Variants in GRK1 observed in about 807,000 individuals in gnomAD.
GRK1 encodes G protein-coupled receptor kinase 1.
A neutral mutation model predicts 41.7 loss-of-function variants in GRK1; 28 were observed. That is an observed-to-expected ratio of 0.67 (90% CI 0.50 to 0.92). GRK1 has a LOEUF of 0.92. Ranked by LOEUF, GRK1 falls within the 40% of genes least tolerant of loss-of-function variation. GRK1 has a pLI of 0.00. For synonymous variants in GRK1, 327 were observed against 286.7 expected, an observed-to-expected ratio of 1.14 and a Z score of -1.42; for missense variants, 703 against 671.2, an observed-to-expected ratio of 1.05 and a Z score of -0.52.
chr13:113,669,019 G>C (rs1012686128), intron 1 of GRK1, among the ~76,000 whole-genome samples: 2 of 152,226 alleles, frequency 1.3e-5, no homozygotes, highest in Non-Finnish European at 2.9e-5. Context: ...TTAAAAATTA[G>C]CTTTCTTGAC....
chr13:113,648,444 G>A, the GRK1 span, among the ~76,000 whole-genome samples: 46 of 152,166 alleles, frequency 3.0e-4, no homozygotes, highest in Non-Finnish European at 6.0e-4. Context: ...GCACACCGCC[G>A]TCGGGGTGAG....
At chr13:113,730,716 C>T (rs1423755405) in intron 4 of GRK1, among the ~76,000 whole-genome samples, 1 of 152,252 alleles carries the variant, frequency 6.6e-6, no homozygotes, top group Non-Finnish European at 1.5e-5. Context: ...GGTCACCGGA[C>T]AACTGGAGAA....
intron 6 of GRK1, chr13:113,734,339 A>C (rs1353653786): frequency 3.3e-5 from 5 of 152,506 alleles, no homozygotes; most frequent in African/African-American, 1.2e-4. Flanking sequence ...CCAAGGGGTC[A>C]CAGGATGAGG....
At chr13:113,728,120 GCGA>G (rs1401317961) in intron 4 of GRK1, among the ~76,000 whole-genome samples, 1 of 89,708 alleles carries the variant, frequency 1.1e-5, no homozygotes. Context: ...AGTACCCATG[GCGA>G]TGAGGAGTAC....
intron 4 of GRK1, among the ~76,000 whole-genome samples, chr13:113,728,338 G>C (rs2049908368): frequency 7.8e-6 from 1 of 127,610 alleles, no homozygotes; most frequent in Non-Finnish European, 1.5e-5. Context: ...GAGTACCCAT[G>C]GTGATGAGGA....
chr13:113,667,110 A>T, upstream of GRK1: 1 of 395,876 alleles, frequency 2.5e-6, no homozygotes, highest in East Asian at 4.1e-5. This position sits in a 1 kb window ranked among gnomAD's most constrained non-coding sequence, Gnocchi z 7.5. Context: ...CAAGCAGCTC[A>T]GGGGATTGTC....
At chr13:113,652,740 G>A in the GRK1 span, 1 of 1,003,718 alleles carries the variant, frequency 1.0e-6, no homozygotes, top group Non-Finnish European at 1.5e-6. Flanking sequence ...AAGGTACAGG[G>A]TGGTGAGGCT....
At position 113,732,987 on chromosome 13, in the gene GRK1, A is replaced by G; in HGVS notation, c.1298A>G (p.Lys433Arg). 6.5e-7 allele frequency: 1 copy of G among 1,537,114 alleles called. No individual in the cohort carries two copies. The highest frequency in any genetic ancestry group is 1.2e-5 in the South Asian group (1 of 84,066). The change falls in exon 6 of 7, where the codon AAG (lysine) becomes AGG (arginine). Residue 433 changes from lysine to arginine, a missense_variant. Coordinates refer to ENST00000335678, the MANE Select transcript of GRK1 (RefSeq NM_002929.3). ...SKDFCEALLEKDPEKRLGFRD... is the reference protein window; with the variant it reads ...SKDFCEALLERDPEKRLGFRD... ...GACTTCTGCGAGGCGCTGCTGGAGA[A>G]GGACCCGGAGAAGCGCCTGGGGTTC...
chr13:113,664,209 G>A (rs1269657826), upstream of GRK1, among the ~76,000 whole-genome samples: 2 of 152,176 alleles, frequency 1.3e-5, no homozygotes, highest in African/African-American at 4.8e-5. This position sits in a 1 kb window ranked among gnomAD's most constrained non-coding sequence, Gnocchi z 5.4. Flanking sequence ...GCCGGGCATT[G>A]AGCAGGGCGG....
chr13:113,654,643 G>GGCT, the GRK1 span, among the ~76,000 whole-genome samples: 4 of 152,248 alleles, frequency 2.6e-5, no homozygotes, highest in Admixed American at 2.6e-4. Context: ...AGGGGCCAGG[G>GGCT]GCTGCCCTCG....
intron 6 of GRK1, among the ~76,000 whole-genome samples, chr13:113,733,812 T>TGCGTGTGCGCGC (rs2049968972): frequency 8.7e-6 from 1 of 115,530 alleles, no homozygotes; most frequent in Non-Finnish European, 2.0e-5. Context: ...TCTGTGTGCA[T>TGCGTGTGCGCGC]ACGTGTGTGC....
the GRK1 span, among the ~76,000 whole-genome samples, chr13:113,653,953 C>T: frequency 6.6e-6 from 1 of 152,234 alleles, no homozygotes; most frequent in Admixed American, 6.5e-5. Context: ...TGTGGAAACA[C>T]AGATGCAGAA....
chr13:113,668,195 G>T, intron 1 of GRK1, 110 bp downstream of exon 1: 1 of 1,157,396 alleles, frequency 8.6e-7, no homozygotes, highest in Non-Finnish European at 1.2e-6. Flanking sequence ...CTTAACAGCT[G>T]GTGCCTAAGG....
Position 113,723,142 on chromosome 13 carries a change from T to C in GRK1, c.1054T>C (p.Tyr352His), listed in dbSNP as rs1323809754. The C allele has an allele frequency of 2.9e-6, 2 of 701,592 alleles. No homozygotes were observed. The highest frequency in any genetic ancestry group is 4.0e-5 in the Admixed American group (2 of 49,766). The allele number at this position is 701,592 out of a possible 1,614,324, so 43.5% of individuals were successfully genotyped here. The change falls in exon 4 of 7, where the codon TAC becomes CAC. Residue 352 changes from tyrosine to histidine, a missense_variant. Coordinates refer to ENST00000335678, the MANE Select transcript of GRK1 (RefSeq NM_002929.3). ...LLDGQSKTKG[Y>H]AGTPGFMAPE... ...GGACGGACAGAGCAAGACCAAGGGC[T>C]ACGCAGGGACCCCAGGTAAGGGTCT...
chr13:113,655,123 C>T, the GRK1 span, among the ~76,000 whole-genome samples: 1 of 152,166 alleles, frequency 6.6e-6, no homozygotes, highest in Non-Finnish European at 1.5e-5. Flanking sequence ...CCTCCCAGCG[C>T]CGCACCACCG....
chr13:113,653,264 C>T, the GRK1 span: 29 of 1,533,956 alleles, frequency 1.9e-5, no homozygotes, highest in East Asian at 4.5e-5. Flanking sequence ...ACCCACCCGC[C>T]GCTTCACACC....
At chr13:113,729,920 ATCCC>A (rs2049922111) in intron 4 of GRK1, among the ~76,000 whole-genome samples, 1 of 103,202 alleles carries the variant, frequency 9.7e-6, no homozygotes, top group African/African-American at 3.8e-5. Context: ...ACCCAGACCC[ATCCC>A]TCCATCCCAA....
intron 6 of GRK1, among the ~76,000 whole-genome samples, chr13:113,733,442 C>T (rs1381259508): frequency 1.3e-5 from 2 of 150,754 alleles, no homozygotes; most frequent in African/African-American, 4.9e-5. Flanking sequence ...AGTCATCCAC[C>T]CACCAGCACT....
chr13:113,656,607 G>A, the GRK1 span, among the ~76,000 whole-genome samples: 16 of 152,172 alleles, frequency 1.1e-4, no homozygotes, highest in Non-Finnish European at 2.2e-4. Flanking sequence ...TCCTGGGGCC[G>A]GCCGGGTGCA....
Sources: gnomAD v4.1 joint callset for allele counts (sites outside exome capture counted in the v4.1 genomes callset) on GRCh38, gnomAD v4.1.1 for gene constraint, Gnocchi (gnomAD v3.1) non-coding constraint, MANE v1.5 for transcripts, NCBI Gene and HGNC (gene_info 2026-07-23, HGNC 2026-07-21) for gene names.